Variants in ZNF277 observed in about 807,000 individuals in gnomAD.
ZNF277 encodes zinc finger protein 277.
ZNF277 carries 55 observed loss-of-function variants against 60.7 expected under a neutral mutation model. That is an observed-to-expected ratio of 0.91 (90% CI 0.73 to 1.13). The LOEUF (loss-of-function observed/expected upper bound fraction) is 1.13. Among genes scored for constraint, ZNF277 ranks in the 50% most tolerant of loss-of-function variants. ZNF277 has a pLI of 0.00. For synonymous variants in ZNF277, 178 were observed against 179.3 expected (o/e 0.99, Z 0.06); for missense variants, 510 against 523.0 (o/e 0.98, Z 0.24).
intron 1 of ZNF277, among the ~76,000 whole-genome samples, chr7:112,273,415 G>C (rs1008141451): frequency 2.2e-4 from 33 of 152,184 alleles, no homozygotes; most frequent in African/African-American, 7.7e-4. Flanking sequence ...AGGCCACATG[G>C]CCACTGCTGG....
At chr7:112,272,404 T>C (rs932377327) in intron 1 of ZNF277, among the ~76,000 whole-genome samples, 7 of 152,376 alleles carry the variant, frequency 4.6e-5, no homozygotes, top group African/African-American at 1.7e-4. Flanking sequence ...CTCTTCAATA[T>C]ACTGATTTCC....
intron 1 of ZNF277, among the ~76,000 whole-genome samples, chr7:112,273,637 T>G (rs1791730255): frequency 6.6e-6 from 1 of 152,196 alleles, no homozygotes; most frequent in Non-Finnish European, 1.5e-5. Context: ...TCAACCATCT[T>G]GCTCCCTGAC....
chr7:112,234,266 C>G (rs10269050), intron 1 of ZNF277, among the ~76,000 whole-genome samples: 140,974 of 152,256 alleles, frequency 0.93, 65,475 homozygotes, highest in Middle Eastern at 0.98. Flanking sequence ...TTATGCTACT[C>G]TAGCAAAATG....
intron 7 of ZNF277, among the ~76,000 whole-genome samples, chr7:112,331,057 G>A (rs1283655458): frequency 6.6e-6 from 1 of 152,270 alleles, no homozygotes; most frequent in African/African-American, 2.4e-5. Flanking sequence ...AAGTTTCAAG[G>A]AAACCAAACC....
chr7:112,209,210 A>C (rs10235364), intron 1 of ZNF277, among the ~76,000 whole-genome samples: 2 of 152,032 alleles, frequency 1.3e-5, no homozygotes. Flanking sequence ...TAATGTTGCA[A>C]TGAACAACTT....
At chr7:112,289,242 C>G (rs1470284153) in intron 2 of ZNF277, among the ~76,000 whole-genome samples, 1 of 152,110 alleles carries the variant, frequency 6.6e-6, no homozygotes, top group Non-Finnish European at 1.5e-5. Context: ...GTTGGAATAG[C>G]CAGCATACCC....
intron 1 of ZNF277, among the ~76,000 whole-genome samples, chr7:112,254,740 G>T (rs578007416): frequency 1.3e-5 from 2 of 152,110 alleles, no homozygotes; most frequent in Non-Finnish European, 2.9e-5. Flanking sequence ...AGGCCAAAGC[G>T]GGAAGATTGC....
At chr7:112,267,567 C>T (rs868229889) in intron 1 of ZNF277, among the ~76,000 whole-genome samples, 20 of 152,232 alleles carry the variant, frequency 1.3e-4, no homozygotes, top group African/African-American at 3.9e-4. Context: ...AATGCACAAC[C>T]CTTTAATAAT....
At position 112,327,774 on chromosome 7, in the gene ZNF277, C is replaced by G. The variant is rs1793132345; in HGVS notation, c.615C>G (p.Asp205Glu). 8 of 1,612,366 alleles carry G rather than the reference C, an allele frequency of 5.0e-6. No homozygotes were observed. The highest frequency in any genetic ancestry group is 6.8e-6 in the Non-Finnish European group (8 of 1,179,432). ...REHAFNIGLP[D>E]NIVNCNEFLC... ...ATGCTTTCAACATTGGATTGCCAGA[C>G]AACATTGTAAACTGCAATGAATTTT... The change falls in exon 6 of 12, where the codon GAC becomes GAG. Residue 205 changes from aspartate (D) to glutamate (E), a missense_variant. Asp to Glu is a conservative substitution (Grantham distance 45, BLOSUM62 2). Coordinates refer to ENST00000361822, the MANE Select transcript of ZNF277 (RefSeq NM_021994.3).
chr7:112,306,306 C>G (rs1408493253), intron 4 of ZNF277, among the ~76,000 whole-genome samples: 2 of 151,032 alleles, frequency 1.3e-5, no homozygotes, highest in East Asian at 3.9e-4. Context: ...CCTCCGCCTT[C>G]CGAATTCAAG....
intron 1 of ZNF277, among the ~76,000 whole-genome samples, chr7:112,283,129 T>C (rs909135182): frequency 6.6e-6 from 1 of 152,194 alleles, no homozygotes; most frequent in Non-Finnish European, 1.5e-5. Flanking sequence ...ATAAACAAAT[T>C]ACTCCATATG....
At chr7:112,265,397 TA>T (rs1426934536) in intron 1 of ZNF277, among the ~76,000 whole-genome samples, 2 of 152,180 alleles carry the variant, frequency 1.3e-5, no homozygotes, top group Non-Finnish European at 1.5e-5. Flanking sequence ...ACGTTTATCT[TA>T]AAGTTCACCA....
chr7:112,253,398 C>T (rs929341212), intron 1 of ZNF277, among the ~76,000 whole-genome samples: 7 of 152,152 alleles, frequency 4.6e-5, no homozygotes, highest in Non-Finnish European at 5.9e-5. Context: ...CATACAACCA[C>T]GTGTCACTAA....
At chr7:112,308,528 G>GA (rs1792651758) in intron 4 of ZNF277, among the ~76,000 whole-genome samples, 1 of 150,750 alleles carries the variant, frequency 6.6e-6, no homozygotes, top group South Asian at 2.1e-4. Context: ...AAAAAAAATT[G>GA]AAAAAATTAT....
chr7:112,300,019 C>G (rs774576802), intron 4 of ZNF277, among the ~76,000 whole-genome samples: 2 of 152,162 alleles, frequency 1.3e-5, no homozygotes, highest in African/African-American at 4.8e-5. Flanking sequence ...ATTTAAACAT[C>G]CTTCCTAGTC....
At chr7:112,266,815 A>G (rs890833519) in intron 1 of ZNF277, among the ~76,000 whole-genome samples, 5 of 152,136 alleles carry the variant, frequency 3.3e-5, no homozygotes, top group African/African-American at 1.2e-4. Context: ...GGCTATTTAT[A>G]GTTCTGGGTC....
chr7:112,327,607 G>A, intron 5 of ZNF277, 110 bp from the exon 6 acceptor site: 2 of 733,376 alleles, frequency 2.7e-6, no homozygotes, highest in South Asian at 3.3e-5. Flanking sequence ...TTAGTGCTTA[G>A]CACTTGCTTA....
intron 1 of ZNF277, among the ~76,000 whole-genome samples, chr7:112,283,370 A>G (rs1034145886): frequency 5.3e-5 from 8 of 152,308 alleles, no homozygotes; most frequent in African/African-American, 1.7e-4. Context: ...TGAAAATACA[A>G]AAATTAGCAG....
At chr7:112,337,655 A>G in intron 8 of ZNF277, 75 bp from the exon 9 acceptor site, 2 of 1,290,110 alleles carry the variant, frequency 1.6e-6, no homozygotes, top group Non-Finnish European at 2.2e-6. Context: ...AGGAGAAAGC[A>G]ATACCAAGTC....
Sources: allele counts gnomAD v4.1 joint callset (sites outside exome capture counted in the v4.1 genomes callset), GRCh38; gene constraint gnomAD v4.1.1; transcripts MANE v1.5; gene names NCBI Gene and HGNC (gene_info 2026-07-23, HGNC 2026-07-21).